Variants in EYS observed in about 807,000 individuals in gnomAD.
EYS encodes EGF-like photoreceptor maintenance factor.
Under a neutral mutation model 282.1 loss-of-function variants are expected in EYS, and 250 were observed. That is an observed-to-expected ratio of 0.89 (90% confidence interval 0.80 to 0.98). The LOEUF is 0.98. Among genes scored for constraint, EYS ranks in the 50% least tolerant of loss-of-function variants. EYS has a pLI of 0.00. For synonymous variants in EYS, 1,355 were observed against 1,282.9 expected (o/e 1.06, Z -1.20); for missense variants, 4,016 against 3,709.0 (o/e 1.08, Z -2.15).
intron 8 of EYS, among the ~76,000 whole-genome samples, chr6:65,365,833 C>T (rs1764895745): frequency 6.6e-6 from 1 of 151,702 alleles, no homozygotes; most frequent in South Asian, 2.1e-4. Flanking sequence ...CATCTGCAAT[C>T]AGAATGTTGG....
At chr6:65,348,474 T>G (rs868251836) in intron 9 of EYS, among the ~76,000 whole-genome samples, 1 of 151,800 alleles carries the variant, frequency 6.6e-6, no homozygotes. Context: ...TGACTAATAA[T>G]GTTGAGCACA....
chr6:63,886,851 GT>G (rs1773273213), intron 35 of EYS, among the ~76,000 whole-genome samples: 1 of 152,182 alleles, frequency 6.6e-6, no homozygotes, highest in Non-Finnish European at 1.5e-5. Context: ...GAGTTTCAGA[GT>G]GTCGAATATT....
chr6:65,153,363 ATGTGTGTGTGTGTGTGTGTG>A (rs67661407), intron 12 of EYS, among the ~76,000 whole-genome samples: 309 of 135,858 alleles, frequency 2.3e-3, no homozygotes, highest in African/African-American at 7.1e-3. Flanking sequence ...GAGATCATAA[ATGTGTGTGTGTGTGTGTGTG>A]TGTGTGTGTG....
chr6:65,344,732 G>A (rs940991148), intron 9 of EYS, among the ~76,000 whole-genome samples: 1 of 151,388 alleles, frequency 6.6e-6, no homozygotes, highest in Non-Finnish European at 1.5e-5. Flanking sequence ...GAGAGATTTT[G>A]AAATTGTAGG....
chr6:65,558,322 T>C (rs1189129318), intron 2 of EYS, among the ~76,000 whole-genome samples: 1 of 152,120 alleles, frequency 6.6e-6, no homozygotes, highest in Non-Finnish European at 1.5e-5. Flanking sequence ...CAGCCTTGAG[T>C]GTGTGCACAG....
chr6:65,593,404 G>T (rs1012734737), intron 2 of EYS, among the ~76,000 whole-genome samples: 1 of 151,986 alleles, frequency 6.6e-6, no homozygotes, highest in Admixed American at 6.6e-5. Context: ...GGCGAAACTG[G>T]TGCAAGCTAA....
intron 35 of EYS, among the ~76,000 whole-genome samples, chr6:63,956,189 G>T (rs984151842): frequency 3.0e-5 from 4 of 134,548 alleles, no homozygotes; most frequent in African/African-American, 8.2e-5. Context: ...GCCTGCATGT[G>T]TACATCCAGA....
intron 22 of EYS, among the ~76,000 whole-genome samples, chr6:64,809,871 T>C: frequency 6.6e-6 from 1 of 152,210 alleles, no homozygotes; most frequent in South Asian, 2.1e-4. Context: ...GGTGCTGTAC[T>C]TACAGCCTGG....
At chr6:64,804,125 G>A (rs1764353432) in intron 22 of EYS, among the ~76,000 whole-genome samples, 1 of 152,108 alleles carries the variant, frequency 6.6e-6, no homozygotes, top group Non-Finnish European at 1.5e-5. Context: ...AAATTATCTG[G>A]AGGTATGTAA....
chr6:64,643,062 C>T (rs1465628993), intron 22 of EYS, among the ~76,000 whole-genome samples: 4 of 151,890 alleles, frequency 2.6e-5, no homozygotes, highest in Non-Finnish European at 5.9e-5. Context: ...TTGTGGTGAG[C>T]CGAGATCATG....
chr6:64,101,116 C>A (rs1048697697), intron 31 of EYS, among the ~76,000 whole-genome samples: 3 of 151,980 alleles, frequency 2.0e-5, no homozygotes, highest in Non-Finnish European at 4.4e-5. Context: ...TTACTGCATT[C>A]CTTTATTTTG....
At chr6:64,035,008 C>A (rs1240807208) in intron 33 of EYS, among the ~76,000 whole-genome samples, 1 of 152,084 alleles carries the variant, frequency 6.6e-6, no homozygotes, top group African/African-American at 2.4e-5. Context: ...AGCTAGACGT[C>A]AATGTCTGGA....
Position 63,945,542 on chromosome 6 carries a change from C to T in EYS, c.7055+38841G>A, listed in dbSNP as rs148140402. 2.8e-3 allele frequency among the ~76,000 whole-genome samples: 431 copies of T among 152,264 alleles called. 2 individuals carry two copies. The highest frequency in any genetic ancestry group is 9.7e-3 in the African/African-American group (404 of 41,542). On this transcript the variant is annotated intron_variant, in intron 35 of 42. Coordinates refer to ENST00000503581, the MANE Select transcript of EYS (RefSeq NM_001142800.2). ...TCAGAGTAATTCATCTGACCTTAAA[C>T]GATCCTCCACACCCTCACCACACAT...
chr6:64,926,494 C>A (rs1189455921), intron 15 of EYS, among the ~76,000 whole-genome samples: 1 of 152,182 alleles, frequency 6.6e-6, no homozygotes, highest in Non-Finnish European at 1.5e-5. Context: ...TTGGTTGGGA[C>A]AAGGATCTCC....
chr6:64,299,859 T>C (rs1006266276), intron 30 of EYS, among the ~76,000 whole-genome samples: 1 of 152,112 alleles, frequency 6.6e-6, no homozygotes, highest in Non-Finnish European at 1.5e-5. Context: ...CTATGGGCTT[T>C]GGTGAGGTTG....
At chr6:64,207,989 T>C (rs1582428616) in intron 31 of EYS, among the ~76,000 whole-genome samples, 1 of 152,202 alleles carries the variant, frequency 6.6e-6, no homozygotes, top group East Asian at 1.9e-4. Context: ...ATATTGTTTA[T>C]ATAGCTGATG....
At chr6:64,331,596 C>T (rs950427669) in intron 29 of EYS, among the ~76,000 whole-genome samples, 35 of 54,648 alleles carry the variant, frequency 6.4e-4, no homozygotes, top group African/African-American at 2.7e-3. Context: ...TCCAATAGCC[C>T]CCCCGCCCGC....
intron 30 of EYS, 145 bp downstream of exon 30, chr6:64,306,825 G>T: frequency 1.7e-6 from 1 of 593,396 alleles, no homozygotes; most frequent in Non-Finnish European, 2.9e-6. Flanking sequence ...AACTGTAAAA[G>T]AGTGAAGTAG....
At chr6:64,589,261 T>G (rs998044775) in intron 26 of EYS, among the ~76,000 whole-genome samples, 1 of 152,024 alleles carries the variant, frequency 6.6e-6, no homozygotes, top group African/African-American at 2.4e-5. Context: ...CCAAATAGAA[T>G]GACTTGTTCT....
Sources: gnomAD v4.1 joint callset for allele counts (sites outside exome capture counted in the v4.1 genomes callset) on GRCh38, gnomAD v4.1.1 for gene constraint, MANE v1.5 for transcripts, NCBI Gene and HGNC (gene_info 2026-07-23, HGNC 2026-07-21) for gene names.